The following HDAC4 variants were observed in gnomAD, a reference collection of about 807,000 sequenced individuals.
HDAC4 encodes the protein histone deacetylase 4, also known as histone deacetylase A.
A neutral mutation model predicts 135.1 loss-of-function variants in HDAC4; 16 were observed. That is an observed-to-expected ratio of 0.12 (90% CI 0.08 to 0.18). The LOEUF (loss-of-function observed/expected upper bound fraction) is 0.18. Ranked by LOEUF, HDAC4 falls within the 10% of genes least tolerant of loss-of-function variation. The pLI, the probability that HDAC4 is intolerant of heterozygous loss-of-function variation, is 1.00. For synonymous variants in HDAC4, 685 were observed against 653.4 expected, an observed-to-expected ratio of 1.05 and a Z score of -0.74; for missense variants, 1,143 against 1,511.8, an observed-to-expected ratio of 0.76 and a Z score of 4.05.
chr2:239,291,768 A>C (rs2051512952), intron 2 of HDAC4, among the ~76,000 whole-genome samples: 1 of 152,232 alleles, frequency 6.6e-6, no homozygotes, highest in Non-Finnish European at 1.5e-5. Flanking sequence ...CTAAGTCCAC[A>C]CAGATATCAT....
intron 24 of HDAC4, among the ~76,000 whole-genome samples, chr2:239,062,916 C>T (rs1474683567): frequency 2.0e-5 from 3 of 152,184 alleles, no homozygotes; most frequent in Non-Finnish European, 2.9e-5. Flanking sequence ...CCCCTCTCGG[C>T]ACCCCTCTGG....
At chr2:239,092,197 C>T (rs2036581804) in intron 17 of HDAC4, among the ~76,000 whole-genome samples, 1 of 151,512 alleles carries the variant, frequency 6.6e-6, no homozygotes, top group African/African-American at 2.4e-5. Context: ...CATGAATGCA[C>T]CGCTGCACTC....
At chr2:239,337,775 C>A (rs1355572095) in intron 2 of HDAC4, among the ~76,000 whole-genome samples, 1 of 152,156 alleles carries the variant, frequency 6.6e-6, no homozygotes, top group Non-Finnish European at 1.5e-5. Context: ...AGGAACAGAG[C>A]GAGCCAGGCA....
intron 5 of HDAC4, among the ~76,000 whole-genome samples, chr2:239,169,889 C>A (rs1400326202): frequency 6.6e-6 from 1 of 152,174 alleles, no homozygotes; most frequent in African/African-American, 2.4e-5. Flanking sequence ...ATTAAGTCAC[C>A]ACCTTATCTA....
chr2:239,312,129 T>A (rs557193263), intron 2 of HDAC4, among the ~76,000 whole-genome samples: 2 of 152,154 alleles, frequency 1.3e-5, no homozygotes, highest in African/African-American at 4.8e-5. Flanking sequence ...CACAAAACAC[T>A]GGCCACCAAG....
At chr2:239,087,488 C>A (rs2036091170) in intron 19 of HDAC4, 71 bp downstream of exon 19, 2 of 1,461,706 alleles carry the variant, frequency 1.4e-6, no homozygotes, top group East Asian at 2.3e-5. Context: ...CACTCACACA[C>A]CCACCCAGCC....
chr2:239,120,031 A>G (rs1260734977), intron 12 of HDAC4, among the ~76,000 whole-genome samples: 2 of 149,994 alleles, frequency 1.3e-5, no homozygotes, highest in African/African-American at 2.4e-5. Flanking sequence ...AGGCACCAGG[A>G]CTCCTGGCCA....
At chr2:239,286,934 A>G (rs1049049393) in intron 2 of HDAC4, among the ~76,000 whole-genome samples, 3 of 152,210 alleles carry the variant, frequency 2.0e-5, no homozygotes, top group Non-Finnish European at 4.4e-5. Context: ...CAACAGGTCT[A>G]CTAAAGCTAC....
At chr2:239,085,956 C>G in intron 19 of HDAC4, 1 of 140,854 alleles carries the variant, frequency 7.1e-6, no homozygotes, top group Non-Finnish European at 1.5e-5. Context: ...CTATCTCGCA[C>G]GTACAGTCTC....
chr2:239,391,798 C>CAGGAGAAGGATACGTGAAACA (rs1696234756), intron 1 of HDAC4, among the ~76,000 whole-genome samples: 1 of 152,210 alleles, frequency 6.6e-6, no homozygotes, highest in African/African-American at 2.4e-5. Flanking sequence ...ACCGAGGAAC[C>CAGGAGAAGGATACGTGAAACA]AGGAGAAGGA....
intron 1 of HDAC4, among the ~76,000 whole-genome samples, chr2:239,392,834 G>A (rs1225597913): frequency 1.3e-5 from 2 of 152,274 alleles, no homozygotes; most frequent in East Asian, 1.9e-4. Flanking sequence ...TACATGGCAC[G>A]GTGCCAGCCA....
chr2:239,156,081 G>A (rs1465845600), intron 7 of HDAC4, among the ~76,000 whole-genome samples: 2 of 152,234 alleles, frequency 1.3e-5, no homozygotes, highest in African/African-American at 2.4e-5. Flanking sequence ...TTCTAAGATG[G>A]TCCAGGCACC....
intron 1 of HDAC4, among the ~76,000 whole-genome samples, chr2:239,392,743 G>A (rs1001857202): frequency 6.6e-6 from 1 of 152,232 alleles, no homozygotes; most frequent in African/African-American, 2.4e-5. Flanking sequence ...ATTAGCCCCA[G>A]GCCACAGGGA....
intron 4 of HDAC4, among the ~76,000 whole-genome samples, chr2:239,187,505 C>T (rs1297027581): frequency 6.6e-6 from 1 of 152,192 alleles, no homozygotes; most frequent in African/African-American, 2.4e-5. Flanking sequence ...GTGACTCCCC[C>T]GGACCCGCGC....
chr2:239,278,119 T>C lies in HDAC4; in HGVS notation c.23-41455A>G, dbSNP rs949809794. ...TGGAGGCTCAGGGTGTCTTGAGAAA[T>C]GAACAGGTGCTCACCATTGGCTGGA... is the stretch of plus-strand genomic sequence containing the variant. On this transcript the variant is annotated intron_variant, in intron 2 of 26. Transcript: ENST00000543185. Among the ~76,000 whole-genome samples the C allele has an allele frequency of 3.3e-5, 5 of 150,914 alleles. No homozygotes were observed. In the South Asian group the frequency reaches 6.3e-4, roughly 19 times the overall value.
chr2:239,311,336 G>A (rs2052865711), intron 2 of HDAC4, among the ~76,000 whole-genome samples: 1 of 152,110 alleles, frequency 6.6e-6, no homozygotes, highest in Admixed American at 6.5e-5. Flanking sequence ...CACCAAGCCC[G>A]GAGACACCCG....
chr2:239,240,111 A>G lies in HDAC4; in HGVS notation c.23-3447T>C, dbSNP rs924934665. Among the ~76,000 whole-genome samples, 1 of 152,268 alleles carries G rather than the reference A, an allele frequency of 6.6e-6. No individual in the cohort carries two copies. Among genetic ancestry groups the G allele is most frequent in the Non-Finnish European group, 1.5e-5 (1 of 68,046 alleles). On this transcript the variant is annotated intron_variant, in intron 2 of 26. Transcript: ENST00000543185. The surrounding 1 kb of genome is among the most constrained non-coding windows in gnomAD (Gnocchi z 4.5). ...AGCAGCCATGATCGAGAAGCCAAACACTAAAGGCGTTTTGCCAGAGGTGGC... is the reference window on the plus strand; with the variant it reads ...AGCAGCCATGATCGAGAAGCCAAACGCTAAAGGCGTTTTGCCAGAGGTGGC...
rs1217752676 is a variant in HDAC4 at position 239,400,993 on chromosome 2, T to G, written c.-235A>C. 6.5e-6 allele frequency: 1 copy of G among 152,676 alleles called. No homozygotes were observed. Among genetic ancestry groups the G allele is most frequent in the Admixed American group, 6.5e-5 (1 of 15,272 alleles). 9.5% of individuals were successfully genotyped at this position (152,676 alleles called of 1,614,324 possible). On this transcript the variant is annotated 5_prime_UTR_variant, in exon 1 of 27. Coordinates refer to ENST00000543185, the MANE Select transcript of HDAC4 (RefSeq NM_001378414.1). This position sits in a 1 kb window ranked among gnomAD's most constrained non-coding sequence, Gnocchi z 4.7. The stretch of plus-strand genomic sequence containing the variant: ...ATTGACCCACGTTGAACCATGATGC[T>G]TCTCCCCACTCCAGCGTCGAGCCAG...
intron 3 of HDAC4, among the ~76,000 whole-genome samples, chr2:239,211,424 T>G (rs995238447): frequency 2.0e-5 from 3 of 152,232 alleles, no homozygotes; most frequent in Non-Finnish European, 2.9e-5. Flanking sequence ...CCCAGGGTGG[T>G]CCGGGCCCCT....
Sources: allele counts gnomAD v4.1 joint callset (sites outside exome capture counted in the v4.1 genomes callset), GRCh38; gene constraint gnomAD v4.1.1; non-coding constraint Gnocchi (gnomAD v3.1); transcripts MANE v1.5; gene names NCBI Gene and HGNC (gene_info 2026-07-23, HGNC 2026-07-21).